VPS53: variants seen among roughly 807,000 people sequenced by gnomAD.
VPS53 encodes the protein VPS53 subunit of GARP complex, also known as vacuolar protein sorting-associated protein 53 homolog.
VPS53 carries 70 observed loss-of-function variants against 107.0 expected under a neutral mutation model. That is an observed-to-expected ratio of 0.65 (90% confidence interval 0.54 to 0.80). The LOEUF (loss-of-function observed/expected upper bound fraction) is 0.80. Ranked by LOEUF, VPS53 falls within the 30% of genes least tolerant of loss-of-function variation. The pLI is 0.00. For missense variants in VPS53, 917 were observed against 1,049.4 expected (o/e 0.87, Z 1.74); for synonymous variants, 409 against 393.3 (o/e 1.04, Z -0.47).
intron 17 of VPS53, among the ~76,000 whole-genome samples, chr17:543,756 T>C (rs79115693): frequency 0.012 from 1,713 of 141,394 alleles, 43 homozygotes; most frequent in African/African-American, 0.043. Flanking sequence ...TTATAAGTTA[T>C]ATGGCTTTGG....
chr17:605,332 C>G (rs1296896156), intron 11 of VPS53, among the ~76,000 whole-genome samples: 2 of 152,058 alleles, frequency 1.3e-5, no homozygotes, highest in African/African-American at 4.8e-5. Flanking sequence ...CAGAAAAGGT[C>G]TCTGAGGAGA....
chr17:509,718 T>C lies in VPS53; in HGVS notation c.*9410A>G, dbSNP rs75208783. On this transcript the variant is annotated 3_prime_UTR_variant, in exon 22 of 22. Transcript: ENST00000437048. ...GGCTCGCCCCTCACTGGTCACGTAT[T>C]GAATCCTGGCTCACCCCTCACTTGT... 0.11 allele frequency: 12,274 copies of C among 110,172 alleles called. 649 individuals carry two copies. Among genetic ancestry groups the C allele is most frequent in the East Asian group, 0.15 (422 of 2,846 alleles). 6.8% of individuals were successfully genotyped at this position (110,172 alleles called of 1,614,324 possible).
At chr17:575,887 AT>A (rs1914560309) in intron 13 of VPS53, among the ~76,000 whole-genome samples, 1 of 149,500 alleles carries the variant, frequency 6.7e-6, no homozygotes, top group Admixed American at 6.6e-5. Flanking sequence ...AACCTAATGC[AT>A]TCGCAGCGAA....
chr17:697,325 G>A, intron 4 of VPS53, 93 bp downstream of exon 4: 1 of 1,047,212 alleles, frequency 9.5e-7, no homozygotes, highest in Non-Finnish European at 1.5e-6. Flanking sequence ...CAATCGGAAA[G>A]TGCTCTGCAA....
At chr17:705,646 AG>A (rs1205015800) in intron 2 of VPS53, 4 of 152,164 alleles carry the variant, frequency 2.6e-5, no homozygotes, top group Non-Finnish European at 5.9e-5. Context: ...AGGCTAAGAC[AG>A]GGGAATTGCT....
At position 714,824 on chromosome 17, in the gene VPS53, CGTCAGCCGCTCT is replaced by C. The variant is rs1179896425; in HGVS notation, c.-127_-116del. On this transcript the variant is annotated 5_prime_UTR_variant, in exon 1 of 22. Transcript: ENST00000437048. The stretch of plus-strand genomic sequence containing the variant: ...GGCAGCGACCTGGTGAGCCCGGCTC[CGTCAGCCGCTCT>C]GTCAGCCGCTCCGGCACTTCCGGCA... 130 of 1,174,236 alleles carry C rather than the reference CGTCAGCCGCTCT, an allele frequency of 1.1e-4. No individual in the cohort carries two copies. Among genetic ancestry groups the C allele is most frequent in the East Asian group, 7.3e-4 (30 of 41,184 alleles). 72.7% of individuals were successfully genotyped at this position (1,174,236 alleles called of 1,614,324 possible). A position where few individuals can be genotyped will look rare whatever the true frequency, so the allele number is the denominator to read the frequency against.
chr17:660,121 T>G (rs1213454703), intron 5 of VPS53, among the ~76,000 whole-genome samples: 1 of 152,130 alleles, frequency 6.6e-6, no homozygotes. Flanking sequence ...GGGTAGAGCA[T>G]GAAATGGGAG....
chr17:662,773 G>GAA (rs34869514), intron 4 of VPS53, among the ~76,000 whole-genome samples: 4,240 of 55,408 alleles, frequency 0.077, 169 homozygotes, highest in Middle Eastern at 0.14. Flanking sequence ...AAGAAAGAAA[G>GAA]AGAAAGAAAG....
In VPS53 at chr17:519,281, C is replaced by A; in HGVS notation, c.2346G>T (p.Glu782Asp). 2 of 1,508,560 alleles carry A rather than the reference C, an allele frequency of 1.3e-6. No homozygotes were observed. Among genetic ancestry groups the A allele is most frequent in the Middle Eastern group, 1.7e-4 (1 of 5,768 alleles). 93.4% of individuals were successfully genotyped at this position (1,508,560 alleles called of 1,614,324 possible). ...GCAGGAGTTCCAGCATGCTGCTCTG[C>A]TCACTCCTCTTCAGCCCCTGAGGTT... ...ILDMKGLKRS[E>D]QSSMLELLRQ... Residue 782 changes from glutamate to aspartate, a missense_variant, in exon 22 of 22, where the codon GAG becomes GAT. Coordinates refer to ENST00000437048, the MANE Select transcript of VPS53 (RefSeq NM_001128159.3). The surrounding 1 kb of genome is among the most constrained non-coding windows in gnomAD (Gnocchi z 5.0).
chr17:680,303 A>G (rs1263107351), intron 4 of VPS53, among the ~76,000 whole-genome samples: 1 of 152,224 alleles, frequency 6.6e-6, no homozygotes, highest in Non-Finnish European at 1.5e-5. Context: ...CAAAATAACA[A>G]CAACAAAAAC....
rs1909017203 is a variant in VPS53 at position 524,882 on chromosome 17, G to A, written c.2086-3144C>T. 6.6e-6 allele frequency among the ~76,000 whole-genome samples: 1 copy of A among 152,194 alleles called. No homozygotes were observed. The highest frequency in any genetic ancestry group is 2.1e-4 in the South Asian group (1 of 4,828). ...AGAAGTTAGTTCAAGCACGTTGGGG[G>A]AAATTTAGCAACATTTCCTTAGCTG... On this transcript the variant is annotated intron_variant, in intron 19 of 21. Transcript: ENST00000437048. This position sits in a 1 kb window ranked among gnomAD's most constrained non-coding sequence, Gnocchi z 4.5.
At chr17:658,604 G>A (rs956393728) in intron 5 of VPS53, among the ~76,000 whole-genome samples, 61 of 151,270 alleles carry the variant, frequency 4.0e-4, no homozygotes, top group Non-Finnish European at 6.3e-4. Context: ...GAGAAACTCG[G>A]CAGGGAGTTC....
intron 4 of VPS53, among the ~76,000 whole-genome samples, chr17:688,647 C>G (rs1972674428): frequency 6.6e-6 from 1 of 152,196 alleles, no homozygotes; most frequent in African/African-American, 2.4e-5. Context: ...CCCGCCCCGC[C>G]TCAACTACAA....
At chr17:661,696 ACT>A (rs1263994898) in intron 5 of VPS53, 111 bp downstream of exon 5, 10 of 958,568 alleles carry the variant, frequency 1.0e-5, no homozygotes, top group African/African-American at 6.6e-5. Flanking sequence ...GATGCAGATG[ACT>A]CTGGTTGGCA....
chr17:608,511 G>A (rs932478160), intron 11 of VPS53, among the ~76,000 whole-genome samples: 23 of 152,116 alleles, frequency 1.5e-4, no homozygotes, highest in Admixed American at 6.5e-5. Flanking sequence ...TACCTCCAGG[G>A]GGAGGGATAT....
intron 12 of VPS53, among the ~76,000 whole-genome samples, chr17:590,285 A>G (rs1168440861): frequency 2.0e-5 from 3 of 152,162 alleles, no homozygotes; most frequent in Non-Finnish European, 4.4e-5. Context: ...GGGCTGAGAT[A>G]ATGGGGTTTT....
intron 4 of VPS53, among the ~76,000 whole-genome samples, chr17:669,071 G>A (rs541440572): frequency 5.3e-4 from 81 of 152,250 alleles, no homozygotes; most frequent in Non-Finnish European, 8.5e-4. Flanking sequence ...CTCCTCTGAA[G>A]CACTGGTGCT....
intron 4 of VPS53, among the ~76,000 whole-genome samples, chr17:663,442 A>G (rs1971555049): frequency 6.6e-6 from 1 of 152,330 alleles, no homozygotes; most frequent in African/African-American, 2.4e-5. Context: ...ACCCACAGCT[A>G]AAGTACCTGT....
rs994716668 is a variant in VPS53 at position 516,732 on chromosome 17, A to T, written c.*2396T>A. The T allele has an allele frequency of 2.0e-5, 3 of 152,252 alleles. No homozygotes were observed. Among genetic ancestry groups the T allele is most frequent in the Non-Finnish European group, 4.4e-5 (3 of 68,070 alleles). The allele number at this position is 152,252 out of a possible 1,614,324, so 9.4% of individuals were successfully genotyped here. A position where few individuals can be genotyped will look rare whatever the true frequency, so the allele number is the denominator to read the frequency against. ...CCCAGAAGAGAAACACAGCGTCTCT[A>T]CACAGTACTGAGTCCCCATCAAGGA... On this transcript the variant is annotated 3_prime_UTR_variant, in exon 22 of 22. Coordinates refer to ENST00000437048, the MANE Select transcript of VPS53 (RefSeq NM_001128159.3).
Sources: gnomAD v4.1 joint callset for allele counts (sites outside exome capture counted in the v4.1 genomes callset) on GRCh38, gnomAD v4.1.1 for gene constraint, Gnocchi (gnomAD v3.1) non-coding constraint, MANE v1.5 for transcripts, NCBI Gene and HGNC (gene_info 2026-07-23, HGNC 2026-07-21) for gene names.